Variants in PLXNA4 observed in about 807,000 individuals in gnomAD.
PLXNA4 encodes the protein plexin A4, also known as plexin-A4.
In PLXNA4, 44 loss-of-function variants were observed where a neutral mutation model predicts 191.8. The observed-to-expected ratio is 0.23, with a 90% confidence interval of 0.18 to 0.29. The LOEUF is 0.29. Among genes scored for constraint, PLXNA4 ranks in the 10% least tolerant of loss-of-function variants. The pLI is 1.00. For missense variants in PLXNA4, 1,800 were observed against 2,488.8 expected, an observed-to-expected ratio of 0.72 and a Z score of 5.89; for synonymous variants, 1,082 against 1,009.5, an observed-to-expected ratio of 1.07 and a Z score of -1.36.
At chr7:132,577,657 G>GGC (rs1802312933), upstream of PLXNA4, among the ~76,000 whole-genome samples, 5 of 152,124 alleles carry the variant, frequency 3.3e-5, no homozygotes, top group South Asian at 1.0e-3. Context: ...CCCTGGCGGT[G>GGC]GCGATGTGGG....
chr7:132,572,704 A>G (rs1802034844), intron 1 of PLXNA4, among the ~76,000 whole-genome samples: 1 of 152,206 alleles, frequency 6.6e-6, no homozygotes. Flanking sequence ...CTTGAATGGT[A>G]CAGCCTGGGC....
At chr7:132,402,758 CTCCTACATTAT>C (rs1473643701) in intron 3 of PLXNA4, among the ~76,000 whole-genome samples, 1 of 152,190 alleles carries the variant, frequency 6.6e-6, no homozygotes, top group Non-Finnish European at 1.5e-5. Flanking sequence ...GGAGAAACAC[CTCCTACATTAT>C]TACCACAGCA....
chr7:132,230,630 G>A (rs770543279), intron 5 of PLXNA4, among the ~76,000 whole-genome samples: 17 of 152,128 alleles, frequency 1.1e-4, no homozygotes, highest in South Asian at 2.1e-4. Flanking sequence ...GCTCCTCTGC[G>A]AGGACTCCAT....
chr7:132,366,392 C>T (rs540733939), intron 3 of PLXNA4, among the ~76,000 whole-genome samples: 32 of 152,086 alleles, frequency 2.1e-4, no homozygotes, highest in Non-Finnish European at 3.5e-4. Flanking sequence ...AGTGTGGTGG[C>T]GGGTGCCTGT....
At chr7:132,569,443 G>A (rs1448701805) in intron 1 of PLXNA4, among the ~76,000 whole-genome samples, 1 of 152,196 alleles carries the variant, frequency 6.6e-6, no homozygotes, top group Non-Finnish European at 1.5e-5. Context: ...CAAGGCCCAG[G>A]CCCTCCATAG....
chr7:132,550,131 G>T (rs543441306), intron 1 of PLXNA4, among the ~76,000 whole-genome samples: 1 of 152,244 alleles, frequency 6.6e-6, no homozygotes, highest in East Asian at 1.9e-4. Flanking sequence ...GGTTTACCCT[G>T]AAGGAAGTGA....
In PLXNA4 at chr7:132,187,619, G is replaced by A; in HGVS notation, c.2857-12C>T. On this transcript the variant is annotated splice_polypyrimidine_tract_variant and intron_variant, in intron 14 of 31. Coordinates refer to ENST00000321063, the MANE Select transcript of PLXNA4 (RefSeq NM_020911.2). ...GAGAGAGTCAGTGTCTGTGTAGAAA[G>A]GATGTGGCCTGAGACACAACCAGGA... The A allele has an allele frequency of 6.2e-7, 1 of 1,606,812 alleles. No individual in the cohort carries two copies. The highest frequency in any genetic ancestry group is 8.5e-7 in the Non-Finnish European group (1 of 1,175,710).
rs1424594 is a variant in PLXNA4, at chr7:132,288,582, A to G, written c.1503+9509T>C. 5.7e-4 allele frequency among the ~76,000 whole-genome samples: 86 copies of G among 152,108 alleles called. 3 individuals carry two copies. Among genetic ancestry groups the G allele is most frequent in the Non-Finnish European group, 4.7e-4 (32 of 68,022 alleles). Reference sequence around the variant, plus strand: ...TGTGCTTCAAGTTTGCTCTCCCAGGAGCTATCAGACATAGGCCAGCCTGGG... The same window carrying G: ...TGTGCTTCAAGTTTGCTCTCCCAGGGGCTATCAGACATAGGCCAGCCTGGG... On this transcript the variant is annotated intron_variant, in intron 4 of 31. Coordinates refer to ENST00000321063, the MANE Select transcript of PLXNA4 (RefSeq NM_020911.2).
chr7:132,628,581 C>G (rs1178599878), intron 2 of PLXNA4, among the ~76,000 whole-genome samples: 1 of 151,828 alleles, frequency 6.6e-6, no homozygotes, highest in South Asian at 2.1e-4. Flanking sequence ...CATTTCCTCT[C>G]TTCTCTTTTT....
chr7:132,479,621 G>C (rs1274141401), intron 3 of PLXNA4, among the ~76,000 whole-genome samples: 7 of 152,144 alleles, frequency 4.6e-5, no homozygotes, highest in Admixed American at 4.6e-4. Flanking sequence ...GGGGGAAGAG[G>C]ATTGCTCTTT....
At chr7:132,512,265 C>A (rs557055040) in intron 1 of PLXNA4, among the ~76,000 whole-genome samples, 1 of 152,196 alleles carries the variant, frequency 6.6e-6, no homozygotes, top group African/African-American at 2.4e-5. Flanking sequence ...GCCTACCCCA[C>A]GACCTGCCTT....
intron 3 of PLXNA4, among the ~76,000 whole-genome samples, chr7:132,380,454 C>G (rs1804846806): frequency 6.9e-6 from 1 of 145,970 alleles, no homozygotes; most frequent in South Asian, 2.1e-4. Context: ...CCCGCCCAGA[C>G]AGAAGGACCA....
chr7:132,128,275 G>GTTAT lies in PLXNA4; in HGVS notation c.*2200_*2203dup, dbSNP rs777983391. ...GGTACTGCACTTGCCAAAACCTTTGGTTATTTATTTTTTTTCTTCCTCTTC... is the reference window on the plus strand; with the variant it reads ...GGTACTGCACTTGCCAAAACCTTTGGTTATTTATTTATTTTTTTTCTTCCTCTTC... On this transcript the variant is annotated 3_prime_UTR_variant, in exon 32 of 32. Transcript: ENST00000321063. The GTTAT allele has an allele frequency of 2.0e-5, 3 of 152,136 alleles. No homozygotes were observed. Among genetic ancestry groups the GTTAT allele is most frequent in the African/African-American group, 7.2e-5 (3 of 41,416 alleles). 9.4% of individuals were successfully genotyped at this position (152,136 alleles called of 1,614,324 possible).
At chr7:132,476,295 G>A (rs1797127849) in intron 3 of PLXNA4, among the ~76,000 whole-genome samples, 1 of 152,140 alleles carries the variant, frequency 6.6e-6, no homozygotes, top group Non-Finnish European at 1.5e-5. Flanking sequence ...TGCAATTGCT[G>A]TCACCAGCTC....
intron 2 of PLXNA4, among the ~76,000 whole-genome samples, chr7:132,594,910 GGTAGA>G (rs1802669173): frequency 8.5e-6 from 1 of 118,154 alleles, no homozygotes; most frequent in South Asian, 2.9e-4. Context: ...TAGATAGATA[GGTAGA>G]TAGATAGATA....
At chr7:132,558,200 C>G (rs926571894) in intron 1 of PLXNA4, among the ~76,000 whole-genome samples, 3 of 152,188 alleles carry the variant, frequency 2.0e-5, no homozygotes, top group African/African-American at 7.2e-5. Context: ...AATTTGTTAC[C>G]TGGTTAAATG....
intron 3 of PLXNA4, among the ~76,000 whole-genome samples, chr7:132,302,133 C>T (rs1584964027): frequency 6.6e-6 from 1 of 152,282 alleles, no homozygotes; most frequent in Middle Eastern, 3.4e-3. Context: ...AGAGAATTGA[C>T]TAAGAGACAG....
chr7:132,519,444 G>A (rs937493416), intron 1 of PLXNA4, among the ~76,000 whole-genome samples: 2 of 152,204 alleles, frequency 1.3e-5, no homozygotes, highest in African/African-American at 4.8e-5. Flanking sequence ...AGACCTGAGT[G>A]GACCTTGGGA....
intron 30 of PLXNA4, among the ~76,000 whole-genome samples, chr7:132,133,696 A>G (rs1311059681): frequency 3.9e-5 from 6 of 152,190 alleles, no homozygotes; most frequent in African/African-American, 7.2e-5. Context: ...GTAGAAGGCA[A>G]TCAGTCACTG....
Sources: gnomAD v4.1 joint callset for allele counts (sites outside exome capture counted in the v4.1 genomes callset) on GRCh38, gnomAD v4.1.1 for gene constraint, MANE v1.5 for transcripts, NCBI Gene and HGNC (gene_info 2026-07-23, HGNC 2026-07-21) for gene names.